Variants in DLG2 observed in about 807,000 individuals in gnomAD.
DLG2 encodes the protein disks large homolog 2.
DLG2 carries 45 observed loss-of-function variants against 132.5 expected under a neutral mutation model. The ratio of observed to expected loss-of-function variants is 0.34; its 90% CI spans 0.27 to 0.44. The LOEUF (loss-of-function observed/expected upper bound fraction) is 0.44, where lower values mean the gene tolerates loss of function less well. Among genes scored for constraint, DLG2 ranks in the 20% least tolerant of loss-of-function variants. DLG2 has a pLI of 1.00. For synonymous variants in DLG2, 424 were observed against 419.6 expected (o/e 1.01, Z -0.13); for missense variants, 1,045 against 1,196.9 (o/e 0.87, Z 1.87).
chr11:84,348,645 T>C (rs1412507301), intron 7 of DLG2, among the ~76,000 whole-genome samples: 1 of 152,190 alleles, frequency 6.6e-6, no homozygotes, highest in East Asian at 1.9e-4. Flanking sequence ...AATGATATAT[T>C]GAAGTCCTAC....
At chr11:84,685,706 T>C (rs1056443429) in intron 6 of DLG2, among the ~76,000 whole-genome samples, 3 of 151,892 alleles carry the variant, frequency 2.0e-5, no homozygotes, top group African/African-American at 4.8e-5. Context: ...CTGTATTTTC[T>C]GTATCCTTTT....
At chr11:84,364,767 A>G (rs1037001799) in intron 7 of DLG2, among the ~76,000 whole-genome samples, 6 of 152,284 alleles carry the variant, frequency 3.9e-5, no homozygotes, top group African/African-American at 1.4e-4. Context: ...TATTGAGATA[A>G]TCATGTGGTT....
chr11:84,474,695 C>T (rs2099117049), intron 7 of DLG2, among the ~76,000 whole-genome samples: 1 of 152,054 alleles, frequency 6.6e-6, no homozygotes, highest in Non-Finnish European at 1.5e-5. Context: ...GCTGTTACTG[C>T]TGCTACTACT....
chr11:84,983,438 G>A (rs1056260918), intron 6 of DLG2, among the ~76,000 whole-genome samples: 2 of 152,112 alleles, frequency 1.3e-5, no homozygotes, highest in Non-Finnish European at 2.9e-5. Flanking sequence ...TAGGAAAAGG[G>A]GGAGAGTACT....
chr11:83,474,495 G>A (rs1405557486), intron 22 of DLG2, among the ~76,000 whole-genome samples: 1 of 152,018 alleles, frequency 6.6e-6, no homozygotes, highest in Non-Finnish European at 1.5e-5. Context: ...AACTTTACAG[G>A]GGAAATCTTC....
At chr11:84,640,020 G>C (rs2099653934) in intron 6 of DLG2, 1 of 264,648 alleles carries the variant, frequency 3.8e-6, no homozygotes. Context: ...CAATCAGACT[G>C]TCGGCACTCC....
chr11:83,626,399 C>T (rs1434665804), intron 19 of DLG2, among the ~76,000 whole-genome samples: 2 of 152,076 alleles, frequency 1.3e-5, no homozygotes, highest in Non-Finnish European at 2.9e-5. Flanking sequence ...CATCACTGTG[C>T]CCTTAACATC....
intron 3 of DLG2, among the ~76,000 whole-genome samples, chr11:85,360,755 G>A (rs767180109): frequency 2.0e-5 from 3 of 152,094 alleles, no homozygotes; most frequent in Non-Finnish European, 4.4e-5. Flanking sequence ...AGCTAAGAGT[G>A]ATTCAACTTC....
chr11:83,529,760 A>G (rs2140966481), intron 21 of DLG2, among the ~76,000 whole-genome samples: 1 of 152,214 alleles, frequency 6.6e-6, no homozygotes, highest in Non-Finnish European at 1.5e-5. Context: ...GTGAGCTGAA[A>G]CCAGAACCCA....
At chr11:84,729,249 C>T (rs1436870868) in intron 6 of DLG2, among the ~76,000 whole-genome samples, 1 of 152,136 alleles carries the variant, frequency 6.6e-6, no homozygotes, top group Non-Finnish European at 1.5e-5. Flanking sequence ...CTACACACTG[C>T]TTTAAATGTG....
intron 11 of DLG2, among the ~76,000 whole-genome samples, chr11:84,002,850 G>C (rs2094419039): frequency 6.6e-6 from 1 of 152,100 alleles, no homozygotes; most frequent in South Asian, 2.1e-4. Flanking sequence ...TTTCTTTTCA[G>C]AAAATTGTTT....
intron 3 of DLG2, among the ~76,000 whole-genome samples, chr11:85,413,266 C>A (rs1388037752): frequency 6.6e-6 from 1 of 151,202 alleles, no homozygotes; most frequent in Admixed American, 6.6e-5. Flanking sequence ...TTGTTTTCTT[C>A]TTGCTAGTTT....
intron 11 of DLG2, among the ~76,000 whole-genome samples, chr11:84,027,021 A>G (rs1474781171): frequency 6.6e-6 from 1 of 151,946 alleles, no homozygotes; most frequent in African/African-American, 2.4e-5. Flanking sequence ...TCAAGTGTCA[A>G]TGGGTTTTAG....
At chr11:84,001,753 C>A (rs890498668) in intron 11 of DLG2, among the ~76,000 whole-genome samples, 14 of 152,002 alleles carry the variant, frequency 9.2e-5, no homozygotes, top group Admixed American at 3.3e-4. Flanking sequence ...TCTCAGATCA[C>A]ATGGAATAAA....
intron 4 of DLG2, among the ~76,000 whole-genome samples, chr11:85,206,693 C>T (rs1051578007): frequency 7.9e-5 from 12 of 151,978 alleles, no homozygotes; most frequent in Admixed American, 7.2e-4. Context: ...ATCTTCTGGG[C>T]GTGGTGGTAG....
At chr11:85,135,596 C>G (rs529706864) in intron 5 of DLG2, among the ~76,000 whole-genome samples, 9 of 152,322 alleles carry the variant, frequency 5.9e-5, no homozygotes, top group Admixed American at 2.0e-4. Context: ...AAATAAAACA[C>G]AGCTTGTCTA....
At chr11:85,227,920 C>T (rs1172705533) in intron 4 of DLG2, among the ~76,000 whole-genome samples, 2 of 152,176 alleles carry the variant, frequency 1.3e-5, no homozygotes, top group South Asian at 4.1e-4. Context: ...GGCAACATCA[C>T]ACATGTTGTC....
At chr11:84,544,473 G>C (rs908888329) in intron 6 of DLG2, among the ~76,000 whole-genome samples, 1 of 152,130 alleles carries the variant, frequency 6.6e-6, no homozygotes, top group Non-Finnish European at 1.5e-5. Context: ...AAAACAGAGG[G>C]TCAGAGAGTT....
chr11:83,497,563 A>G (rs966132420), intron 21 of DLG2, among the ~76,000 whole-genome samples: 17 of 152,032 alleles, frequency 1.1e-4, no homozygotes, highest in Admixed American at 8.5e-4. Context: ...ACAAAAAACA[A>G]AACAAAACCC....
Sources: allele counts gnomAD v4.1 joint callset (sites outside exome capture counted in the v4.1 genomes callset), GRCh38; gene constraint gnomAD v4.1.1; transcripts MANE v1.5; gene names NCBI Gene and HGNC (gene_info 2026-07-23, HGNC 2026-07-21).